SRCIN1: variants seen among roughly 807,000 people sequenced by gnomAD.
SRCIN1 encodes the protein P130Cas-associated protein.
Under a neutral mutation model 116.2 loss-of-function variants are expected in SRCIN1, and 50 were observed. The observed-to-expected ratio is 0.43, with a 90% CI of 0.34 to 0.54. SRCIN1 has a LOEUF of 0.54. Ranked by LOEUF, SRCIN1 falls within the 20% of genes least tolerant of loss-of-function variation. The pLI, the probability that SRCIN1 is intolerant of heterozygous loss-of-function variation, is 0.02. For missense variants in SRCIN1, 1,446 were observed against 1,672.0 expected, an observed-to-expected ratio of 0.86 and a Z score of 2.36; for synonymous variants, 736 against 750.0, an observed-to-expected ratio of 0.98 and a Z score of 0.30.
rs1017154247 is a variant in SRCIN1, at chr17:38,563,627, G to A, written c.542-106C>T. ...GCTGCGCCAGCCCCGCAGCGGCAGG[G>A]TCTGAGGCTAGACGCCGCCCCCGAG... On this transcript the variant is annotated intron_variant, in intron 4 of 18. Coordinates refer to ENST00000617146, the MANE Select transcript of SRCIN1 (RefSeq NM_025248.3). This position sits in a 1 kb window ranked among gnomAD's most constrained non-coding sequence, Gnocchi z 5.8. 1.4e-6 allele frequency: 2 copies of A among 1,452,544 alleles called. No homozygotes were observed. The highest frequency in any genetic ancestry group is 1.9e-6 in the Non-Finnish European group (2 of 1,071,042). The allele number at this position is 1,452,544 out of a possible 1,614,324, so 90.0% of individuals were successfully genotyped here. A position where few individuals can be genotyped will look rare whatever the true frequency, so the allele number is the denominator to read the frequency against.
At chr17:38,598,546 G>A (rs1908846802) in intron 1 of SRCIN1, among the ~76,000 whole-genome samples, 1 of 152,164 alleles carries the variant, frequency 6.6e-6, no homozygotes, top group South Asian at 2.1e-4. Context: ...CCCTCTATGG[G>A]CCCCTGGGTC....
intron 1 of SRCIN1, among the ~76,000 whole-genome samples, chr17:38,595,922 C>A (rs913136874): frequency 2.0e-5 from 3 of 152,204 alleles, no homozygotes; most frequent in Non-Finnish European, 4.4e-5. Flanking sequence ...GCTGCCCCCT[C>A]CCCTGGCAAA....
Position 38,530,275 on chromosome 17 carries a change from C to G in SRCIN1, c.*3022G>C, listed in dbSNP as rs2144863501. 6.6e-6 allele frequency: 1 copy of G among 152,238 alleles called. No homozygotes were observed. Among genetic ancestry groups the G allele is most frequent in the East Asian group, 1.9e-4 (1 of 5,170 alleles). 9.4% of individuals were successfully genotyped at this position (152,238 alleles called of 1,614,324 possible). On this transcript the variant is annotated 3_prime_UTR_variant, in exon 19 of 19. Transcript: ENST00000617146. ...AGGGTGGATGGGGCAGGGTGTGGAG[C>G]CGGGGCTCACCCCGGGGGGCCCCCT...
chr17:38,551,236 T>C lies in SRCIN1; in HGVS notation c.2881A>G (p.Thr961Ala). The change falls in exon 15 of 19, where the codon ACT becomes GCT. Residue 961 changes from threonine to alanine, a missense_variant. Transcript: ENST00000617146. ...GCCTTGGGGGGCTTGTGATCTGGAG[T>C]GGGGGCCGGGCCTGGATGGGCCTTG... ...ASKAHPGPAP[T>A]PDHKPPKAPH... 1 of 1,608,510 alleles carries C rather than the reference T, an allele frequency of 6.2e-7. No individual in the cohort carries two copies. Among genetic ancestry groups the C allele is most frequent in the Middle Eastern group, 1.7e-4 (1 of 6,036 alleles).
intron 11 of SRCIN1, among the ~76,000 whole-genome samples, chr17:38,556,942 T>G (rs1905846235): frequency 6.6e-6 from 1 of 152,072 alleles, no homozygotes; most frequent in South Asian, 2.1e-4. Flanking sequence ...CCAACCCCCC[T>G]CCTCTGGGCT....
chr17:38,544,014 G>T lies in SRCIN1; in HGVS notation c.3271-45C>A, dbSNP rs757571004. ...GTTGCAGTTGCAGAGTCCACATGGG[G>T]TGAATCACACAGGAACCCTAGCACT... On this transcript the variant is annotated intron_variant, in intron 17 of 18. Transcript: ENST00000617146. The surrounding 1 kb of genome is among the most constrained non-coding windows in gnomAD (Gnocchi z 4.5). The T allele has an allele frequency of 1.2e-5, 18 of 1,535,450 alleles. No homozygotes were observed. The highest frequency in any genetic ancestry group is 1.6e-5 in the Non-Finnish European group (18 of 1,144,636).
chr17:38,549,735 A>G (rs1470987338), intron 15 of SRCIN1, among the ~76,000 whole-genome samples: 1 of 152,104 alleles, frequency 6.6e-6, no homozygotes, highest in Non-Finnish European at 1.5e-5. Flanking sequence ...CACTCTAGCC[A>G]TTCCCCTGCC....
chr17:38,561,773 C>G lies in SRCIN1; in HGVS notation c.1390G>C (p.Asp464His). 2 of 1,496,670 alleles carry G rather than the reference C, an allele frequency of 1.3e-6. No homozygotes were observed. Among genetic ancestry groups the G allele is most frequent in the Non-Finnish European group, 8.9e-7 (1 of 1,129,834 alleles). 92.7% of individuals were successfully genotyped at this position (1,496,670 alleles called of 1,614,324 possible). A position where few individuals can be genotyped will look rare whatever the true frequency, so the allele number is the denominator to read the frequency against. Residue 464 changes from aspartate (D) to histidine (H), a missense_variant, in exon 7 of 19, where the codon GAC becomes CAC. Transcript: ENST00000617146. Reference protein sequence around the residue: ...AAGGGGPLYGDGYGFRLPPSS... With the variant: ...AAGGGGPLYGHGYGFRLPPSS... The stretch of plus-strand genomic sequence containing the variant: ...GGCGGCAGGCGGAAGCCGTAGCCGT[C>G]GCCGTACAGCGGGCCGCCGCCGCCC...
chr17:38,564,181 T>C lies in SRCIN1; in HGVS notation c.478A>G (p.Asn160Asp). ...AGAGGCAGGCTCTGTCGGAAGCGGT[T>C]CATCCTGCTGAAGCCCAGGGGCAGC... ...AELPLGFSRM[N>D]RFRQSLPLSR... Residue 160 changes from asparagine (N) to aspartate (D), a missense_variant, in exon 4 of 19, where the codon AAC becomes GAC. Around this residue, in one of 5 missense-constraint regions of SRCIN1, gnomAD observed 246 missense variants for 265.1 expected, o/e 0.93. Coordinates refer to ENST00000617146, the MANE Select transcript of SRCIN1 (RefSeq NM_025248.3). The C allele has an allele frequency of 6.3e-7, 1 of 1,594,764 alleles. No homozygotes were observed. The highest frequency in any genetic ancestry group is 8.5e-7 in the Non-Finnish European group (1 of 1,171,558).
intron 1 of SRCIN1, among the ~76,000 whole-genome samples, chr17:38,589,536 C>T (rs1199331345): frequency 6.6e-6 from 1 of 152,208 alleles, no homozygotes; most frequent in Non-Finnish European, 1.5e-5. Flanking sequence ...TCTTAAAATA[C>T]AGGAGTCAGC....
intron 10 of SRCIN1, chr17:38,559,375 G>C: frequency 1.7e-6 from 1 of 590,074 alleles, no homozygotes; most frequent in South Asian, 2.0e-5. Flanking sequence ...TAAGGCCTTG[G>C]TGAGGAAGTG....
At chr17:38,548,160 G>C (rs1434648273) in intron 17 of SRCIN1, among the ~76,000 whole-genome samples, 1 of 152,120 alleles carries the variant, frequency 6.6e-6, no homozygotes, top group Non-Finnish European at 1.5e-5. Flanking sequence ...CATGGGGTAT[G>C]AGAGTCTCAG....
At chr17:38,606,597 G>GC (rs1425471373), upstream of SRCIN1, among the ~76,000 whole-genome samples, 1 of 152,126 alleles carries the variant, frequency 6.6e-6, no homozygotes, top group Non-Finnish European at 1.5e-5. This position sits in a 1 kb window ranked among gnomAD's most constrained non-coding sequence, Gnocchi z 5.2. Context: ...GCAGGTCCGC[G>GC]CCCCTCCGGC....
intron 1 of SRCIN1, among the ~76,000 whole-genome samples, chr17:38,580,995 C>G (rs760113569): frequency 3.5e-4 from 53 of 152,152 alleles, no homozygotes; most frequent in Non-Finnish European, 6.2e-4. Flanking sequence ...GCCACCACAC[C>G]CAGTGAATTT....
In SRCIN1 at chr17:38,552,749, C is replaced by G. The variant is rs749564500; in HGVS notation, c.2308G>C (p.Gly770Arg). Reference sequence around the variant, plus strand: ...CCCTTGAGCTCTGTCAGCGTCTCCCCGAGCTGCTTCAGCACCAGTGCCTTC... The same window carrying G: ...CCCTTGAGCTCTGTCAGCGTCTCCCGGAGCTGCTTCAGCACCAGTGCCTTC... ...EEKALVLKQL[G>R]ETLTELKAHF... The change falls in exon 12 of 19, where the codon GGG becomes CGG. Residue 770 changes from glycine to arginine, a missense_variant. By Grantham distance (125) the Gly-to-Arg change is moderately radical. This residue lies in a region of SRCIN1 where 531 missense variants were observed against 633.9 expected (regional missense o/e 0.84). Coordinates refer to ENST00000617146, the MANE Select transcript of SRCIN1 (RefSeq NM_025248.3). This position sits in a 1 kb window ranked among gnomAD's most constrained non-coding sequence, Gnocchi z 5.3. The G allele has an allele frequency of 4.3e-6, 7 of 1,613,950 alleles. No individual in the cohort carries two copies. Among genetic ancestry groups the G allele is most frequent in the South Asian group, 1.1e-5 (1 of 91,080 alleles).
At chr17:38,534,223 T>C (rs535647776) in intron 18 of SRCIN1, among the ~76,000 whole-genome samples, 1 of 152,356 alleles carries the variant, frequency 6.6e-6, no homozygotes, top group African/African-American at 2.4e-5. Flanking sequence ...CCTCTGCAGC[T>C]GCGGTCTCCA....
In SRCIN1 at chr17:38,562,266, T is replaced by G. The variant is rs79676385; in HGVS notation, c.897A>C (p.Pro299=). The change falls in exon 7 of 19, where the codon CCA becomes CCC. Residue 299 remains proline, a synonymous_variant. Coordinates refer to ENST00000617146, the MANE Select transcript of SRCIN1 (RefSeq NM_025248.3). The surrounding 1 kb of genome is among the most constrained non-coding windows in gnomAD (Gnocchi z 4.2). ...SPTRRLNNLS[P]APHLASGSPP... is the part of the protein sequence containing the mutation. ...GCGAGCCGGATGCCAGGTGCGGCGC[T>G]GGTGACAGGTTGTTGAGGCGCCGCG... The G allele has an allele frequency of 4.6e-3, 6,733 of 1,475,688 alleles. 308 individuals carry two copies. The African/African-American group carries it at 0.091, about 20-fold the overall frequency. The allele number at this position is 1,475,688 out of a possible 1,614,324, so 91.4% of individuals were successfully genotyped here.
intron 11 of SRCIN1, among the ~76,000 whole-genome samples, chr17:38,554,268 A>G (rs541403908): frequency 3.3e-5 from 5 of 151,840 alleles, no homozygotes; most frequent in African/African-American, 4.8e-5. Flanking sequence ...TGGATGAGCT[A>G]ATGAAGACAG....
At chr17:38,584,620 T>A (rs1375458500) in intron 1 of SRCIN1, among the ~76,000 whole-genome samples, 1 of 152,214 alleles carries the variant, frequency 6.6e-6, no homozygotes, top group Non-Finnish European at 1.5e-5. Flanking sequence ...TACGTTTATT[T>A]ATCAGCCTCA....
Sources: allele counts gnomAD v4.1 joint callset (sites outside exome capture counted in the v4.1 genomes callset), GRCh38; gene constraint gnomAD v4.1.1; regional missense constraint gnomAD v4.1.1; non-coding constraint Gnocchi (gnomAD v3.1); transcripts MANE v1.5; gene names NCBI Gene and HGNC (gene_info 2026-07-23, HGNC 2026-07-21).